DCLK1: variants seen among roughly 807,000 people sequenced by gnomAD.
DCLK1 encodes serine/threonine-protein kinase DCLK1.
Under a neutral mutation model 86.2 loss-of-function variants are expected in DCLK1, and 16 were observed. That is an observed-to-expected ratio of 0.19 (90% CI 0.13 to 0.28). The LOEUF (loss-of-function observed/expected upper bound fraction) is 0.28, where lower values mean the gene tolerates loss of function less well. Among genes scored for constraint, DCLK1 ranks in the 10% least tolerant of loss-of-function variants. The pLI, the probability that DCLK1 is intolerant of heterozygous loss-of-function variation, is 1.00. For synonymous variants in DCLK1, 369 were observed against 370.5 expected (o/e 1.00, Z 0.05); for missense variants, 590 against 940.2 (o/e 0.63, Z 4.87).
In DCLK1 at chr13:36,081,942, G is replaced by T. The variant is rs117977813; in HGVS notation, c.723+29927C>A. ...GCTTTGAAGAGAACTTTAGCATCCTGCAAACCAAGGCATTGGATATGCACT... is the reference window on the plus strand; with the variant it reads ...GCTTTGAAGAGAACTTTAGCATCCTTCAAACCAAGGCATTGGATATGCACT... On this transcript the variant is annotated intron_variant, in intron 3 of 16. Coordinates refer to ENST00000360631, the MANE Select transcript of DCLK1 (RefSeq NM_001330071.2). Among the ~76,000 whole-genome samples, 101 of 152,268 alleles carry T rather than the reference G, an allele frequency of 6.6e-4. 4 individuals are homozygous for T. The East Asian group carries it at 0.019, about 29-fold the overall frequency.
At chr13:36,057,265 C>T (rs940242112) in intron 3 of DCLK1, among the ~76,000 whole-genome samples, 1 of 152,082 alleles carries the variant, frequency 6.6e-6, no homozygotes, top group Non-Finnish European at 1.5e-5. Flanking sequence ...CCAGTCGTCC[C>T]ACCCCTTTTC....
At chr13:35,918,891 TG>T (rs1875600691) in intron 4 of DCLK1, among the ~76,000 whole-genome samples, 1 of 98,262 alleles carries the variant, frequency 1.0e-5, no homozygotes, top group South Asian at 3.7e-4. Context: ...CTTCTGAGTG[TG>T]TTTTTTTTTT....
rs143308756 is a variant in DCLK1, at chr13:35,802,379, C to A, written c.1944+3320G>T. Among the ~76,000 whole-genome samples the A allele has an allele frequency of 1.3e-3, 195 of 151,430 alleles. 2 individuals carry two copies. Among genetic ancestry groups the A allele is most frequent in the African/African-American group, 4.3e-3 (176 of 41,354 alleles). On this transcript the variant is annotated intron_variant, in intron 15 of 16. Transcript: ENST00000360631. Reference sequence around the variant, plus strand: ...ATGATTATTTGTCACCTATGAATATCTTTCCTCTATGGCTCTTCAGGAGCC... The same window carrying A: ...ATGATTATTTGTCACCTATGAATATATTTCCTCTATGGCTCTTCAGGAGCC...
intron 3 of DCLK1, among the ~76,000 whole-genome samples, chr13:36,074,632 C>G (rs1884117036): frequency 1.3e-5 from 2 of 151,794 alleles, no homozygotes; most frequent in African/African-American, 4.8e-5. Context: ...GACAAAGATG[C>G]TCTAAAATGC....
intron 3 of DCLK1, among the ~76,000 whole-genome samples, chr13:36,082,602 C>T (rs1884458646): frequency 6.6e-6 from 1 of 152,134 alleles, no homozygotes; most frequent in Non-Finnish European, 1.5e-5. Context: ...AGACTGACGG[C>T]ATCATGAAGG....
intron 4 of DCLK1, among the ~76,000 whole-genome samples, chr13:35,913,250 G>A (rs1333597544): frequency 2.0e-5 from 3 of 152,158 alleles, no homozygotes; most frequent in Admixed American, 1.3e-4. Flanking sequence ...CAGTCCCAAA[G>A]CACTATTAAT....
Position 36,088,081 on chromosome 13 carries a change from G to A in DCLK1, c.723+23788C>T, listed in dbSNP as rs116573758. Among the ~76,000 whole-genome samples, 1,410 of 152,306 alleles carry A rather than the reference G, an allele frequency of 9.3e-3. 16 individuals carry two copies. The highest frequency in any genetic ancestry group is 0.032 in the African/African-American group (1,338 of 41,554). ...CATCATTGAAGACTAAAATCCACCT[G>A]TGGAAACCGATCTCTCCTGTATAGT... On this transcript the variant is annotated intron_variant, in intron 3 of 16. Coordinates refer to ENST00000360631, the MANE Select transcript of DCLK1 (RefSeq NM_001330071.2).
intron 3 of DCLK1, among the ~76,000 whole-genome samples, chr13:36,012,190 G>A (rs1324704680): frequency 2.9e-5 from 4 of 139,196 alleles, no homozygotes; most frequent in African/African-American, 1.1e-4. Flanking sequence ...CAATTTGCCA[G>A]TCTGTGTCTT....
At chr13:35,847,504 AT>A in intron 6 of DCLK1, 8 of 985,254 alleles carry the variant, frequency 8.1e-6, no homozygotes, top group Non-Finnish European at 9.6e-6. Flanking sequence ...ATGGCCACAT[AT>A]GAAAAATTTA....
chr13:36,131,009 C>T (rs1485891624), intron 1 of DCLK1, 105 bp downstream of exon 1: 1 of 150,410 alleles, frequency 6.6e-6, no homozygotes, highest in Non-Finnish European at 1.5e-5. Context: ...AGCTGAGCGC[C>T]CGCCCTGCCC....
intron 4 of DCLK1, among the ~76,000 whole-genome samples, chr13:35,891,664 G>A (rs1290747397): frequency 6.6e-6 from 1 of 152,164 alleles, no homozygotes; most frequent in African/African-American, 2.4e-5. Flanking sequence ...ATAAATTGTG[G>A]TGTGTTTTGA....
intron 4 of DCLK1, among the ~76,000 whole-genome samples, chr13:35,884,494 GA>G (rs1052362846): frequency 2.0e-5 from 3 of 152,122 alleles, no homozygotes; most frequent in African/African-American, 7.2e-5. Context: ...TGGAGAGCTA[GA>G]AAATGAATAA....
chr13:35,954,272 C>T (rs1877857146), intron 3 of DCLK1, among the ~76,000 whole-genome samples: 1 of 151,980 alleles, frequency 6.6e-6, no homozygotes, highest in Non-Finnish European at 1.5e-5. Flanking sequence ...AACAACCTTC[C>T]TCTTTCTGCA....
At chr13:35,889,912 T>A (rs1277710709) in intron 4 of DCLK1, among the ~76,000 whole-genome samples, 1 of 152,164 alleles carries the variant, frequency 6.6e-6, no homozygotes, top group Non-Finnish European at 1.5e-5. Context: ...TGATGTGGAA[T>A]GTTTATGAGT....
chr13:36,024,650 A>G (rs1226207765), intron 3 of DCLK1, among the ~76,000 whole-genome samples: 2 of 152,342 alleles, frequency 1.3e-5, no homozygotes, highest in East Asian at 3.9e-4. Flanking sequence ...TAGGATGGCA[A>G]TAACCCCTTC....
chr13:35,872,933 G>A (rs953209051), intron 4 of DCLK1, among the ~76,000 whole-genome samples: 3 of 151,760 alleles, frequency 2.0e-5, no homozygotes, highest in Admixed American at 6.6e-5. Flanking sequence ...ATCTTTCTTG[G>A]TCAACCCATA....
chr13:36,008,195 G>T (rs1169776412), intron 3 of DCLK1, among the ~76,000 whole-genome samples: 2 of 65,080 alleles, frequency 3.1e-5, no homozygotes, highest in South Asian at 5.3e-4. Context: ...AGTCCACAGA[G>T]CTATTTTATT....
At chr13:36,092,411 ATTAT>A (rs1217956260) in intron 3 of DCLK1, among the ~76,000 whole-genome samples, 1 of 151,230 alleles carries the variant, frequency 6.6e-6, no homozygotes, top group Non-Finnish European at 1.5e-5. Context: ...TGCTTATTAT[ATTAT>A]TTAACTTTTA....
intron 3 of DCLK1, among the ~76,000 whole-genome samples, chr13:36,071,538 C>T (rs1046542336): frequency 6.6e-6 from 1 of 152,060 alleles, no homozygotes; most frequent in Non-Finnish European, 1.5e-5. Context: ...TATGTTACTC[C>T]ATATCAAAGT....
Sources: allele counts gnomAD v4.1 joint callset (sites outside exome capture counted in the v4.1 genomes callset), GRCh38; gene constraint gnomAD v4.1.1; transcripts MANE v1.5; gene names NCBI Gene and HGNC (gene_info 2026-07-23, HGNC 2026-07-21).